Variants in CDH23 observed in about 807,000 individuals in gnomAD.
CDH23 encodes the protein cadherin-23.
CDH23 carries 189 observed loss-of-function variants against 317.1 expected under a neutral mutation model. The ratio of observed to expected loss-of-function variants is 0.60; its 90% CI spans 0.53 to 0.67. The LOEUF (loss-of-function observed/expected upper bound fraction) is 0.67. Ranked by LOEUF, CDH23 falls within the 30% of genes least tolerant of loss-of-function variation. The pLI is 0.00. For missense variants in CDH23, 4,401 were observed against 4,592.4 expected (o/e 0.96, Z 1.20); for synonymous variants, 1,839 against 1,876.8 (o/e 0.98, Z 0.52).
At chr10:71,673,613 T>C (rs1864235947) in intron 14 of CDH23, among the ~76,000 whole-genome samples, 1 of 152,206 alleles carries the variant, frequency 6.6e-6, no homozygotes, top group Non-Finnish European at 1.5e-5. Flanking sequence ...CAATCACTGA[T>C]GGAGGGCAAG....
chr10:71,797,012 G>A lies in CDH23; in HGVS notation c.6713-92G>A, dbSNP rs150889204. The A allele has an allele frequency of 1.2e-3, 930 of 757,176 alleles. 3 individuals carry two copies. The African/African-American group carries it at 0.015, about 12-fold the overall frequency. The allele number at this position is 757,176 out of a possible 1,614,324, so 46.9% of individuals were successfully genotyped here. A position where few individuals can be genotyped will look rare whatever the true frequency, so the allele number is the denominator to read the frequency against. ...CTACTGGGGACCGTCATCCTTTGTGGGGATTGGGAGGGTTTGGCCAGGAGC... is the reference window on the plus strand; with the variant it reads ...CTACTGGGGACCGTCATCCTTTGTGAGGATTGGGAGGGTTTGGCCAGGAGC... On this transcript the variant is annotated intron_variant, in intron 48 of 69. Transcript: ENST00000224721.
chr10:71,645,868 AC>A lies in CDH23; in HGVS notation c.1179del (p.Asn393LysfsTer54). On this transcript the variant is annotated frameshift_variant, in exon 13 of 70. Transcript: ENST00000224721. LOFTEE classifies it high-confidence loss of function. ...ATGTTTGAGGTGTACTTGGTGGGGA[AC>A]AACTCCCACCACTTCATCATCTCCC... ...NSMFEVYLVG[N>X]NSHHFIISPT... 2 of 1,613,130 alleles carry A rather than the reference AC, an allele frequency of 1.2e-6. No homozygotes were observed. The highest frequency in any genetic ancestry group is 1.7e-6 in the Non-Finnish European group (2 of 1,179,262).
At chr10:71,762,801 T>C (rs187502744) in intron 38 of CDH23, among the ~76,000 whole-genome samples, 12 of 152,328 alleles carry the variant, frequency 7.9e-5, no homozygotes, top group African/African-American at 2.6e-4. Context: ...AGAGAGTATA[T>C]GAAAGGTCAT....
At chr10:71,502,188 C>G (rs113085930) in intron 3 of CDH23, among the ~76,000 whole-genome samples, 2 of 152,204 alleles carry the variant, frequency 1.3e-5, no homozygotes, top group Non-Finnish European at 2.9e-5. Flanking sequence ...CAGCCCTGAG[C>G]CTGGCAGAGG....
intron 6 of CDH23, among the ~76,000 whole-genome samples, chr10:71,525,513 G>A (rs966305966): frequency 3.9e-5 from 6 of 152,178 alleles, no homozygotes; most frequent in South Asian, 2.1e-4. Context: ...AGGGCCAGCC[G>A]TGGGCAGAGC....
intron 14 of CDH23, among the ~76,000 whole-genome samples, chr10:71,664,686 C>A (rs1863811673): frequency 6.6e-6 from 1 of 152,244 alleles, no homozygotes; most frequent in Admixed American, 6.5e-5. Flanking sequence ...CATTACCTTC[C>A]TTAATCCTCA....
intron 9 of CDH23, among the ~76,000 whole-genome samples, chr10:71,592,888 G>A (rs1589244113): frequency 1.3e-5 from 2 of 152,120 alleles, no homozygotes; most frequent in Admixed American, 6.5e-5. Context: ...TCTTCTTCGC[G>A]CCGCTCTTGA....
chr10:71,790,368 C>G lies in CDH23; in HGVS notation c.6004C>G (p.Leu2002Val), dbSNP rs756459547. The change falls in exon 46 of 70, where the codon CTG becomes GTG. Residue 2002 changes from leucine (L) to valine (V), a missense_variant. Transcript: ENST00000224721. Reference sequence around the variant, plus strand: ...CATCTACGCCGTGGTGACCTACCAGCTGCTGGGTGCCCAGAGTGGCCTCTT... The same window carrying G: ...CATCTACGCCGTGGTGACCTACCAGGTGCTGGGTGCCCAGAGTGGCCTCTT... ...QDIYAVVTYQ[L>V]LGAQSGLFDI... The G allele has an allele frequency of 1.1e-5, 18 of 1,613,638 alleles. No homozygotes were observed. In the Admixed American group the frequency reaches 1.5e-4, roughly 13 times the overall value.
chr10:71,435,393 C>T (rs961849199), intron 1 of CDH23, among the ~76,000 whole-genome samples: 1 of 152,326 alleles, frequency 6.6e-6, no homozygotes, highest in Non-Finnish European at 1.5e-5. Flanking sequence ...CACATGTTTC[C>T]AGTCACAGCC....
rs377130089 is a variant in CDH23 at position 71,702,135 on chromosome 10, C to T, written c.2511C>T (p.His837=). ...NSTTGKIRTT[H]AMLDRENPDP... ...CCACGGGCAAGATCCGCACCACCCACGCCATGCTGGACCGGGAGAACCCCG... is the reference window on the plus strand; with the variant it reads ...CCACGGGCAAGATCCGCACCACCCATGCCATGCTGGACCGGGAGAACCCCG... Residue 837 remains histidine, a synonymous_variant, in exon 23 of 70, where the codon CAC becomes CAT. Coordinates refer to ENST00000224721, the MANE Select transcript of CDH23 (RefSeq NM_022124.6). The T allele has an allele frequency of 1.5e-5, 24 of 1,613,888 alleles. No homozygotes were observed. The highest frequency in any genetic ancestry group is 4.5e-5 in the East Asian group (2 of 44,892).
At chr10:71,558,419 G>A (rs1856974201) in intron 6 of CDH23, among the ~76,000 whole-genome samples, 1 of 152,058 alleles carries the variant, frequency 6.6e-6, no homozygotes. Flanking sequence ...TACTTTTGGG[G>A]AAATTTCTTT....
At chr10:71,657,231 C>G (rs1383212847) in intron 14 of CDH23, among the ~76,000 whole-genome samples, 1 of 152,252 alleles carries the variant, frequency 6.6e-6, no homozygotes, top group Non-Finnish European at 1.5e-5. Context: ...TTCCTGCCTG[C>G]AGGTTGGCCT....
rs188629198 is a variant in CDH23 at position 71,774,814 on chromosome 10, C to A, written c.4846-2866C>A. Among the ~76,000 whole-genome samples the A allele has an allele frequency of 4.7e-4, 72 of 152,292 alleles. 1 individual carries two copies. Among genetic ancestry groups the A allele is most frequent in the African/African-American group, 1.5e-3 (64 of 41,566 alleles). Reference sequence around the variant, plus strand: ...CTCCTAGGCTGAGAGGCAGAGGACACTCAGAGTCTGACTGGGTCAGGAACC... The same window carrying A: ...CTCCTAGGCTGAGAGGCAGAGGACAATCAGAGTCTGACTGGGTCAGGAACC... On this transcript the variant is annotated intron_variant, in intron 38 of 69. Transcript: ENST00000224721.
At chr10:71,758,369 A>G (rs888029177) in intron 38 of CDH23, among the ~76,000 whole-genome samples, 15 of 152,186 alleles carry the variant, frequency 9.9e-5, no homozygotes, top group Non-Finnish European at 1.5e-4. Context: ...TGGATGTCTG[A>G]CACATACAGG....
chr10:71,510,934 C>T lies in CDH23; in HGVS notation c.289-20C>T. 6 of 1,613,840 alleles carry T rather than the reference C, an allele frequency of 3.7e-6. No individual in the cohort carries two copies. Among genetic ancestry groups the T allele is most frequent in the Non-Finnish European group, 5.1e-6 (6 of 1,179,746 alleles). On this transcript the variant is annotated intron_variant, in intron 4 of 69. Transcript: ENST00000224721. Reference sequence around the variant, plus strand: ...CAGCACCGCCTAACTGCCCCCCTCCCTCTCTCACTTTTCTTTCAGACCAAG... The same window carrying T: ...CAGCACCGCCTAACTGCCCCCCTCCTTCTCTCACTTTTCTTTCAGACCAAG...
Position 71,785,689 on chromosome 10 carries a change from T to C in CDH23, c.5771T>C (p.Leu1924Pro). Residue 1924 changes from leucine (L) to proline (P), a missense_variant, in exon 44 of 70, where the codon CTG becomes CCG. By Grantham distance (98) the Leu-to-Pro change is moderately conservative. Coordinates refer to ENST00000224721, the MANE Select transcript of CDH23 (RefSeq NM_022124.6). The stretch of plus-strand genomic sequence containing the variant: ...CGCGAGCGGATCCCAGAGTACAAGC[T>C]GACCATTTCTGTGAAGGACAACCCG... ...LDRERIPEYK[L>P]TISVKDNPEN... 1 of 1,609,076 alleles carries C rather than the reference T, an allele frequency of 6.2e-7. No individual in the cohort carries two copies. The highest frequency in any genetic ancestry group is 2.2e-5 in the East Asian group (1 of 44,722).
At chr10:71,548,415 T>C (rs973590181) in intron 6 of CDH23, among the ~76,000 whole-genome samples, 20 of 152,138 alleles carry the variant, frequency 1.3e-4, no homozygotes, top group Admixed American at 2.6e-4. Flanking sequence ...GAATACGTCT[T>C]CTTTATCTTC....
chr10:71,517,893 T>C (rs1854430411), intron 6 of CDH23, among the ~76,000 whole-genome samples: 1 of 152,080 alleles, frequency 6.6e-6, no homozygotes, highest in African/African-American at 2.4e-5. Flanking sequence ...CTTTCCCTGG[T>C]CTGTCCCCTC....
intron 6 of CDH23, among the ~76,000 whole-genome samples, chr10:71,556,501 T>C (rs1267331974): frequency 2.0e-5 from 3 of 151,616 alleles, no homozygotes; most frequent in Non-Finnish European, 4.4e-5. Context: ...CTGGGGAGGC[T>C]GAGGCAGGAG....
Sources: gnomAD v4.1 joint callset for allele counts (sites outside exome capture counted in the v4.1 genomes callset) on GRCh38, gnomAD v4.1.1 for gene constraint, MANE v1.5 for transcripts, NCBI Gene and HGNC (gene_info 2026-07-23, HGNC 2026-07-21) for gene names.